CD44: variants seen among roughly 807,000 people sequenced by gnomAD.
CD44 encodes CD44 molecule (IN blood group).
CD44 carries 49 observed loss-of-function variants against 88.8 expected under a neutral mutation model. The ratio of observed to expected loss-of-function variants is 0.55; its 90% CI spans 0.44 to 0.70. The LOEUF is 0.70. CD44 is among the 30% of genes least tolerant of loss of function. The pLI is 0.00. For synonymous variants in CD44, 325 were observed against 312.3 expected, an observed-to-expected ratio of 1.04 and a Z score of -0.43; for missense variants, 883 against 913.8, an observed-to-expected ratio of 0.97 and a Z score of 0.43.
At chr11:35,163,854 G>T (rs569684326) in intron 1 of CD44, among the ~76,000 whole-genome samples, 1 of 152,236 alleles carries the variant, frequency 6.6e-6, no homozygotes, top group South Asian at 2.1e-4. Context: ...AGAGACATTT[G>T]CATGTGGCCC....
intron 17 of CD44, among the ~76,000 whole-genome samples, chr11:35,227,951 A>G (rs535112893): frequency 1.3e-5 from 2 of 152,342 alleles, no homozygotes; most frequent in Admixed American, 6.5e-5. Flanking sequence ...GTATTATGGG[A>G]ACAATAGCTG....
intron 1 of CD44, among the ~76,000 whole-genome samples, chr11:35,155,469 A>C (rs772420038): frequency 6.6e-6 from 1 of 152,150 alleles, no homozygotes; most frequent in Non-Finnish European, 1.5e-5. Context: ...CTGAAAAGAC[A>C]TGCCTCATGG....
intron 17 of CD44, 64 bp downstream of exon 17, chr11:35,221,796 C>G (rs1949324524): frequency 7.2e-7 from 1 of 1,392,764 alleles, no homozygotes; most frequent in Non-Finnish European, 1.0e-6. Context: ...GGCTTTATAT[C>G]CTTGCTGCTC....
In CD44 at chr11:35,186,911, CT is replaced by C; in HGVS notation, c.436+13del. ...GACCAATTACCATAAGTATGTCTCT[CT>C]TCTAATCTTAATTAAATTTTCCTAT... On this transcript the variant is annotated intron_variant, in intron 4 of 17. Coordinates refer to ENST00000428726, the MANE Select transcript of CD44 (RefSeq NM_000610.4). The C allele has an allele frequency of 2.0e-6, 3 of 1,518,748 alleles. No individual in the cohort carries two copies. The highest frequency in any genetic ancestry group is 4.5e-5 in the East Asian group (2 of 44,424). 94.1% of individuals were successfully genotyped at this position (1,518,748 alleles called of 1,614,324 possible). A position where few individuals can be genotyped will look rare whatever the true frequency, so the allele number is the denominator to read the frequency against.
At chr11:35,144,202 T>TGGCTGG (rs993685380) in intron 1 of CD44, among the ~76,000 whole-genome samples, 7 of 152,312 alleles carry the variant, frequency 4.6e-5, no homozygotes, top group South Asian at 2.1e-4. Flanking sequence ...CACTGCCTCC[T>TGGCTGG]GGCTGGGGCT....
chr11:35,175,137 C>T (rs1320408279), intron 1 of CD44, among the ~76,000 whole-genome samples: 3 of 152,156 alleles, frequency 2.0e-5, no homozygotes, highest in African/African-American at 4.8e-5. Context: ...GAGAGGAAGG[C>T]AGATACAAAT....
chr11:35,149,611 C>T (rs1859915544), intron 1 of CD44, among the ~76,000 whole-genome samples: 1 of 152,198 alleles, frequency 6.6e-6, no homozygotes, highest in Admixed American at 6.5e-5. Flanking sequence ...CCATTTACTT[C>T]TATTTTTCCA....
intron 1 of CD44, among the ~76,000 whole-genome samples, chr11:35,141,939 C>G (rs2553809): frequency 6.6e-6 from 1 of 151,804 alleles, no homozygotes; most frequent in Non-Finnish European, 1.5e-5. Context: ...TGGACAACCA[C>G]GAGGAAACTT....
chr11:35,144,280 G>A (rs923553281), intron 1 of CD44, among the ~76,000 whole-genome samples: 4 of 152,188 alleles, frequency 2.6e-5, no homozygotes, highest in Admixed American at 1.3e-4. Flanking sequence ...TCACTCCACC[G>A]AAGAGCCTGA....
In CD44 at chr11:35,189,950, T is replaced by G. The variant is rs752975994; in HGVS notation, c.552T>G (p.Ser184Arg). The G allele has an allele frequency of 1.9e-6, 3 of 1,614,016 alleles. No individual in the cohort carries two copies. The South Asian group carries it at 3.3e-5, about 18-fold the overall frequency. The change falls in exon 5 of 18, where the codon AGT becomes AGG. Residue 184 changes from serine to arginine, a missense_variant. Coordinates refer to ENST00000428726, the MANE Select transcript of CD44 (RefSeq NM_000610.4). Reference protein sequence around the residue: ...TDDDVSSGSSSERSSTSGGYI... With the variant: ...TDDDVSSGSSRERSSTSGGYI... ...ATGACGTGAGCAGCGGCTCCTCCAG[T>G]GAAAGGAGCAGCACTTCAGGAGGTT...
At chr11:35,224,349 T>C (rs1187628245) in intron 17 of CD44, among the ~76,000 whole-genome samples, 4 of 152,196 alleles carry the variant, frequency 2.6e-5, no homozygotes, top group Non-Finnish European at 4.4e-5. Context: ...AGAAATCATA[T>C]TTTATTCCCT....
rs756742598 is a variant in CD44 at position 35,204,595 on chromosome 11, C to T, written c.1237C>T (p.Arg413Cys). Residue 413 changes from arginine (R) to cysteine (C), a missense_variant, in exon 10 of 18, where the codon CGC becomes TGC. By Grantham distance (180) the Arg-to-Cys change is radical. This residue lies in a region of CD44 where 631 missense variants were observed against 590.9 expected (regional missense o/e 1.07). Transcript: ENST00000428726. ...WFGNRWHEGY[R>C]QTPKEDSHST... ...TGGCAACAGATGGCATGAGGGATATCGCCAAACACCCAAAGAAGACTCCCA... is the reference window on the plus strand; with the variant it reads ...TGGCAACAGATGGCATGAGGGATATTGCCAAACACCCAAAGAAGACTCCCA... 7.4e-6 allele frequency: 12 copies of T among 1,612,882 alleles called. No homozygotes were observed. Among genetic ancestry groups the T allele is most frequent in the Middle Eastern group, 1.7e-4 (1 of 6,058 alleles).
intron 9 of CD44, among the ~76,000 whole-genome samples, chr11:35,202,359 C>T (rs960470999): frequency 1.3e-5 from 2 of 152,106 alleles, no homozygotes; most frequent in African/African-American, 4.8e-5. Flanking sequence ...CTTTGATGCT[C>T]TTACTGTTAT....
chr11:35,178,722 A>C (rs7932149), intron 2 of CD44, among the ~76,000 whole-genome samples: 13,186 of 152,204 alleles, frequency 0.087, 631 homozygotes, highest in African/African-American at 0.11. Flanking sequence ...AATGCAATAG[A>C]TTCTAGAATG....
chr11:35,167,879 G>GCCT (rs1189657927), intron 1 of CD44, among the ~76,000 whole-genome samples: 1 of 152,236 alleles, frequency 6.6e-6, no homozygotes, highest in Admixed American at 6.5e-5. Context: ...GAGCATTCAG[G>GCCT]CTGTAAAGGG....
intron 1 of CD44, among the ~76,000 whole-genome samples, chr11:35,145,369 TGTAA>T (rs1317018466): frequency 2.0e-5 from 3 of 152,124 alleles, no homozygotes; most frequent in Non-Finnish European, 4.4e-5. Flanking sequence ...TACATTTATG[TGTAA>T]GTGAGAACCA....
At position 35,198,121 on chromosome 11, in the gene CD44, G is replaced by A. The variant is rs1222519586; in HGVS notation, c.797G>A (p.Gly266Asp). The change falls in exon 7 of 18, where the codon GGT (glycine) becomes GAT (aspartate). Residue 266 changes from glycine to aspartate, a missense_variant and splice_region_variant. Coordinates refer to ENST00000428726, the MANE Select transcript of CD44 (RefSeq NM_000610.4). ...CCACTAATGCAAGTCACCACAACAG[G>A]TACGTCTTCAAATACCATCTCAGCA... is the stretch of plus-strand genomic sequence containing the variant. ...NHLHTTTQMA[G>D]TSSNTISAGW... The A allele has an allele frequency of 1.2e-6, 2 of 1,613,502 alleles. No individual in the cohort carries two copies. Among genetic ancestry groups the A allele is most frequent in the Admixed American group, 3.3e-5 (2 of 60,006 alleles).
Position 35,206,157 on chromosome 11 carries a change from C to T in CD44, c.1328C>T (p.Pro443Leu), listed in dbSNP as rs1178714061. 2 of 1,612,128 alleles carry T rather than the reference C, an allele frequency of 1.2e-6. No individual in the cohort carries two copies. The highest frequency in any genetic ancestry group is 1.7e-4 in the Middle Eastern group (1 of 6,054). Residue 443 changes from proline to leucine, a missense_variant, in exon 11 of 18, where the codon CCA (proline) becomes CTA (leucine). This residue lies in a region of CD44 where 631 missense variants were observed against 590.9 expected (regional missense o/e 1.07). Transcript: ENST00000428726. The stretch of plus-strand genomic sequence containing the variant: ...CATCCAATGCAAGGAAGGACAACAC[C>T]AAGCCCAGAGGACAGTTCCTGGACT... ...TSHPMQGRTT[P>L]SPEDSSWTDF...
chr11:35,187,279 A>G (rs1010168667), intron 4 of CD44, among the ~76,000 whole-genome samples: 6 of 152,138 alleles, frequency 3.9e-5, no homozygotes, highest in Non-Finnish European at 2.9e-5. Context: ...ATTTCCAAAA[A>G]AAAAGAAAAA....
Sources: gnomAD v4.1 joint callset for allele counts (sites outside exome capture counted in the v4.1 genomes callset) on GRCh38, gnomAD v4.1.1 for gene constraint, gnomAD v4.1.1 regional missense constraint, MANE v1.5 for transcripts, NCBI Gene and HGNC (gene_info 2026-07-23, HGNC 2026-07-21) for gene names.